STXBP5L: variants seen among roughly 807,000 people sequenced by gnomAD.
STXBP5L encodes the protein syntaxin binding protein 5L, also known as syntaxin-binding protein 5-like.
STXBP5L carries 65 observed loss-of-function variants against 144.5 expected under a neutral mutation model. The observed-to-expected ratio is 0.45, with a 90% CI of 0.37 to 0.55. The LOEUF (loss-of-function observed/expected upper bound fraction) is 0.55, where lower values mean the gene tolerates loss of function less well. Ranked by LOEUF, STXBP5L falls within the 20% of genes least tolerant of loss-of-function variation. The pLI, the probability that STXBP5L is intolerant of heterozygous loss-of-function variation, is 0.00. For missense variants in STXBP5L, 1,298 were observed against 1,405.5 expected, an observed-to-expected ratio of 0.92 and a Z score of 1.22; for synonymous variants, 505 against 469.6, an observed-to-expected ratio of 1.08 and a Z score of -0.97.
At chr3:121,359,795 C>T (rs948076056) in intron 20 of STXBP5L, among the ~76,000 whole-genome samples, 2 of 151,642 alleles carry the variant, frequency 1.3e-5, no homozygotes, top group African/African-American at 4.8e-5. Context: ...TATTCTGTCC[C>T]ATTGGTCAAT....
chr3:121,162,364 T>C (rs1577088010), intron 9 of STXBP5L, among the ~76,000 whole-genome samples: 1 of 151,980 alleles, frequency 6.6e-6, no homozygotes, highest in African/African-American at 2.4e-5. Context: ...AACTGGCTAG[T>C]GATATGCAGA....
chr3:120,964,951 G>A (rs1458677604), intron 3 of STXBP5L, among the ~76,000 whole-genome samples: 1 of 152,100 alleles, frequency 6.6e-6, no homozygotes, highest in Non-Finnish European at 1.5e-5. Flanking sequence ...GAATCTGGGT[G>A]CTCCTGTTTT....
intron 3 of STXBP5L, among the ~76,000 whole-genome samples, chr3:120,977,975 A>T (rs1416425675): frequency 1.3e-5 from 2 of 152,116 alleles, no homozygotes; most frequent in African/African-American, 4.8e-5. Flanking sequence ...GCTGCCCTTA[A>T]CATTTTTTCC....
chr3:121,171,423 G>T (rs559761700), intron 9 of STXBP5L, among the ~76,000 whole-genome samples: 10 of 152,262 alleles, frequency 6.6e-5, no homozygotes, highest in African/African-American at 1.9e-4. Context: ...TATTGTCTCT[G>T]TTAGCAGATG....
intron 5 of STXBP5L, among the ~76,000 whole-genome samples, chr3:121,098,956 C>G (rs534528481): frequency 3.3e-5 from 5 of 152,206 alleles, no homozygotes; most frequent in Admixed American, 2.6e-4. Flanking sequence ...ACAGATCCTG[C>G]AATTCTGGTG....
chr3:121,053,557 G>A (rs1262104377), intron 5 of STXBP5L, among the ~76,000 whole-genome samples: 1 of 150,778 alleles, frequency 6.6e-6, no homozygotes, highest in Non-Finnish European at 1.5e-5. Flanking sequence ...AGCTGAATTT[G>A]GATCCCTTAC....
chr3:121,321,654 C>G (rs2043974677), intron 20 of STXBP5L, among the ~76,000 whole-genome samples: 1 of 152,138 alleles, frequency 6.6e-6, no homozygotes, highest in Non-Finnish European at 1.5e-5. Context: ...AATCACTGCC[C>G]TATGAAACAT....
At chr3:121,000,207 C>G (rs951509277) in intron 3 of STXBP5L, among the ~76,000 whole-genome samples, 2 of 152,172 alleles carry the variant, frequency 1.3e-5, no homozygotes, top group African/African-American at 4.8e-5. Flanking sequence ...ATATGTATTA[C>G]AAGTTGCTTG....
chr3:121,003,480 A>G (rs1185027489), intron 3 of STXBP5L, among the ~76,000 whole-genome samples: 1 of 152,140 alleles, frequency 6.6e-6, no homozygotes, highest in Non-Finnish European at 1.5e-5. Flanking sequence ...AGATTGCAAA[A>G]ATTTTCTCCC....
At chr3:121,186,581 T>A (rs1380924167) in intron 9 of STXBP5L, among the ~76,000 whole-genome samples, 1 of 152,236 alleles carries the variant, frequency 6.6e-6, no homozygotes, top group Non-Finnish European at 1.5e-5. Context: ...GTTCTGTTTA[T>A]ATGCTGGATT....
At chr3:121,160,066 A>G (rs572688263) in intron 9 of STXBP5L, among the ~76,000 whole-genome samples, 1 of 152,178 alleles carries the variant, frequency 6.6e-6, no homozygotes, top group South Asian at 2.1e-4. Context: ...CTTATAATGG[A>G]TTTTCCTTTG....
chr3:120,992,445 C>T (rs1576597470), intron 3 of STXBP5L, among the ~76,000 whole-genome samples: 1 of 152,030 alleles, frequency 6.6e-6, no homozygotes, highest in African/African-American at 2.4e-5. Flanking sequence ...CCTCTCTTGT[C>T]CTTCCCCCAT....
chr3:121,388,561 T>C (rs754209187), intron 22 of STXBP5L, among the ~76,000 whole-genome samples: 1 of 152,184 alleles, frequency 6.6e-6, no homozygotes, highest in Non-Finnish European at 1.5e-5. Context: ...TTTTGAGATA[T>C]GTTCCATCAA....
intron 20 of STXBP5L, among the ~76,000 whole-genome samples, chr3:121,362,066 G>A (rs2045727571): frequency 1.3e-5 from 2 of 152,264 alleles, no homozygotes; most frequent in South Asian, 2.1e-4. Flanking sequence ...TAATAGTCTT[G>A]GACAAATCTG....
chr3:121,209,337 G>T (rs2048463992), intron 10 of STXBP5L, among the ~76,000 whole-genome samples: 1 of 152,122 alleles, frequency 6.6e-6, no homozygotes, highest in Admixed American at 6.6e-5. Flanking sequence ...GATCCTTGAG[G>T]AATCGCCACA....
chr3:121,085,175 A>G (rs571632390), intron 5 of STXBP5L, among the ~76,000 whole-genome samples: 71 of 152,212 alleles, frequency 4.7e-4, no homozygotes, highest in African/African-American at 1.7e-3. Flanking sequence ...TTTTCTGTTC[A>G]TGCTGATGAT....
intron 19 of STXBP5L, among the ~76,000 whole-genome samples, chr3:121,284,495 C>T (rs956631522): frequency 6.6e-6 from 1 of 152,044 alleles, no homozygotes. Flanking sequence ...TGTATGGCTA[C>T]TTACTTTTAT....
intron 9 of STXBP5L, among the ~76,000 whole-genome samples, chr3:121,167,589 TAACTC>T (rs1316951983): frequency 6.6e-6 from 1 of 151,892 alleles, no homozygotes; most frequent in Non-Finnish European, 1.5e-5. Flanking sequence ...GAGCCCTCCT[TAACTC>T]AGCAAAACAT....
chr3:121,104,371 A>G (rs763324837), intron 5 of STXBP5L, among the ~76,000 whole-genome samples: 1 of 152,176 alleles, frequency 6.6e-6, no homozygotes, highest in South Asian at 2.1e-4. Context: ...TACCATCATC[A>G]TTCTTCACAG....
Sources: allele counts gnomAD v4.1 joint callset (sites outside exome capture counted in the v4.1 genomes callset), GRCh38; gene constraint gnomAD v4.1.1; transcripts MANE v1.5; gene names NCBI Gene and HGNC (gene_info 2026-07-23, HGNC 2026-07-21).